The following SKAP1 variants were observed in gnomAD, a reference collection of about 807,000 sequenced individuals.
SKAP1 encodes the protein src kinase-associated phosphoprotein 1.
SKAP1 carries 44 observed loss-of-function variants against 58.5 expected under a neutral mutation model. That is an observed-to-expected ratio of 0.75 (90% confidence interval 0.59 to 0.97). The LOEUF (loss-of-function observed/expected upper bound fraction) is 0.97. SKAP1 is among the 50% of genes least tolerant of loss of function. The pLI is 0.00. For synonymous variants in SKAP1, 127 were observed against 149.7 expected (o/e 0.85, Z 1.11); for missense variants, 390 against 435.2 (o/e 0.90, Z 0.92).
chr17:48,361,577 AC>A (rs1483620310), intron 3 of SKAP1, among the ~76,000 whole-genome samples: 5 of 152,316 alleles, frequency 3.3e-5, no homozygotes, highest in African/African-American at 1.2e-4. Flanking sequence ...ATAATTAAAG[AC>A]TATTTTCCTT....
intron 11 of SKAP1, among the ~76,000 whole-genome samples, chr17:48,143,945 G>A (rs2063798279): frequency 6.6e-6 from 1 of 152,158 alleles, no homozygotes; most frequent in Non-Finnish European, 1.5e-5. Flanking sequence ...AAGAGGGTGC[G>A]AACAGGAAGC....
chr17:48,444,021 T>C, the SKAP1 span, among the ~76,000 whole-genome samples: 1 of 152,168 alleles, frequency 6.6e-6, no homozygotes, highest in East Asian at 1.9e-4. Flanking sequence ...AATTTGAGAG[T>C]AAATTACAGT....
Position 48,176,468 on chromosome 17 carries a change from TGA to T in SKAP1, c.826+3584_826+3585del, listed in dbSNP as rs564944278. Among the ~76,000 whole-genome samples the T allele has an allele frequency of 1.8e-4, 28 of 152,180 alleles. 1 individual carries two copies. The South Asian group carries it at 5.6e-3, about 30-fold the overall frequency. On this transcript the variant is annotated intron_variant, in intron 9 of 12. Transcript: ENST00000336915. Reference sequence around the variant, plus strand: ...ACTTCGGTGGTGGTGGTGGTGGTGGTGAGAGAGGGCTCAGAAAAGCCTCCATT... The same window carrying T: ...ACTTCGGTGGTGGTGGTGGTGGTGGTGAGAGGGCTCAGAAAAGCCTCCATT...
chr17:48,434,895 G>A (rs1298282464), upstream of SKAP1, among the ~76,000 whole-genome samples: 1 of 152,100 alleles, frequency 6.6e-6, no homozygotes, highest in Non-Finnish European at 1.5e-5. Context: ...GGCCGAGGCA[G>A]GGGGATCACT....
chr17:48,435,556 T>C, the SKAP1 span, among the ~76,000 whole-genome samples: 3 of 152,202 alleles, frequency 2.0e-5, no homozygotes, highest in Non-Finnish European at 4.4e-5. Flanking sequence ...CTGGAAGAAA[T>C]AGTCTTTTCT....
chr17:48,241,381 A>C (rs2065242122), intron 4 of SKAP1, among the ~76,000 whole-genome samples: 1 of 152,070 alleles, frequency 6.6e-6, no homozygotes, highest in Non-Finnish European at 1.5e-5. Context: ...ACTGAAGGGA[A>C]GCAGGGTGTG....
At chr17:48,361,043 T>C (rs551220478) in intron 3 of SKAP1, among the ~76,000 whole-genome samples, 3 of 151,472 alleles carry the variant, frequency 2.0e-5, no homozygotes, top group African/African-American at 7.3e-5. Flanking sequence ...TGAAATTAGA[T>C]AGTGGTGATG....
At chr17:48,221,262 G>A (rs1206498126) in intron 4 of SKAP1, among the ~76,000 whole-genome samples, 1 of 151,996 alleles carries the variant, frequency 6.6e-6, no homozygotes, top group East Asian at 1.9e-4. Context: ...GTGAGACTCT[G>A]TCTCAATAAA....
At chr17:48,438,247 G>A in the SKAP1 span, among the ~76,000 whole-genome samples, 3 of 152,168 alleles carry the variant, frequency 2.0e-5, no homozygotes, top group East Asian at 5.8e-4. Flanking sequence ...AGGTTGTTGT[G>A]AAGATCCAAA....
chr17:48,417,744 CAA>C (rs57181313), intron 1 of SKAP1, among the ~76,000 whole-genome samples: 42,001 of 114,396 alleles, frequency 0.37, 5,783 homozygotes, highest in African/African-American at 0.47. Context: ...GACTTCGTCT[CAA>C]AAAAAAAAAA....
intron 8 of SKAP1, 101 bp from the exon 9 acceptor site, chr17:48,180,349 T>C: frequency 2.4e-6 from 2 of 849,718 alleles, no homozygotes; most frequent in South Asian, 2.0e-5. Context: ...GAGTAAAATA[T>C]GTCAAATGAA....
At chr17:48,155,036 G>A (rs1039919429) in intron 11 of SKAP1, among the ~76,000 whole-genome samples, 5 of 150,078 alleles carry the variant, frequency 3.3e-5, no homozygotes, top group Non-Finnish European at 5.9e-5. Flanking sequence ...CTCCAGTCTC[G>A]CAGTCTGGGT....
At chr17:48,210,586 A>C (rs2064860205) in intron 4 of SKAP1, among the ~76,000 whole-genome samples, 1 of 152,180 alleles carries the variant, frequency 6.6e-6, no homozygotes, top group Non-Finnish European at 1.5e-5. Flanking sequence ...AAAGTAACCA[A>C]AGGTGACCTG....
At chr17:48,224,696 A>C (rs1158495414) in intron 4 of SKAP1, among the ~76,000 whole-genome samples, 2 of 152,126 alleles carry the variant, frequency 1.3e-5, no homozygotes, top group African/African-American at 2.4e-5. Flanking sequence ...TTATTTTACC[A>C]CTTTAGGTGG....
rs2067149832 is a variant in SKAP1, at chr17:48,376,297, A to G, written c.153-12483T>C. 2.0e-5 allele frequency among the ~76,000 whole-genome samples: 3 copies of G among 152,122 alleles called. No homozygotes were observed. The South Asian group carries it at 6.2e-4, about 32-fold the overall frequency. Reference sequence around the variant, plus strand: ...AAGGACACTTAAAATCATTTACTCTAGCCTTCACTTTACGGATGAGAACAA... The same window carrying G: ...AAGGACACTTAAAATCATTTACTCTGGCCTTCACTTTACGGATGAGAACAA... On this transcript the variant is annotated intron_variant, in intron 2 of 12. Transcript: ENST00000336915.
intron 11 of SKAP1, among the ~76,000 whole-genome samples, chr17:48,146,163 C>T (rs1018206940): frequency 4.6e-5 from 7 of 152,000 alleles, no homozygotes; most frequent in Admixed American, 2.6e-4. Context: ...GGTATCCTCG[C>T]GCTCCCCACA....
chr17:48,290,512 C>T (rs2065886810), intron 4 of SKAP1, among the ~76,000 whole-genome samples: 1 of 152,256 alleles, frequency 6.6e-6, no homozygotes, highest in South Asian at 2.1e-4. Flanking sequence ...TTATTCTTCC[C>T]GGATAATCTG....
intron 4 of SKAP1, among the ~76,000 whole-genome samples, chr17:48,226,666 T>G (rs1416418413): frequency 1.3e-5 from 2 of 152,222 alleles, no homozygotes; most frequent in Non-Finnish European, 2.9e-5. Flanking sequence ...AGTAAGATGC[T>G]AACAAGCTTA....
chr17:48,187,307 A>T (rs1220493518), intron 6 of SKAP1, among the ~76,000 whole-genome samples: 1 of 152,182 alleles, frequency 6.6e-6, no homozygotes, highest in Non-Finnish European at 1.5e-5. Flanking sequence ...TGCTGCTGTC[A>T]TCTGGCTGAA....
Sources: allele counts gnomAD v4.1 joint callset (sites outside exome capture counted in the v4.1 genomes callset), GRCh38; gene constraint gnomAD v4.1.1; transcripts MANE v1.5; gene names NCBI Gene and HGNC (gene_info 2026-07-23, HGNC 2026-07-21).